The following CES4A variants were observed in gnomAD, a reference collection of about 807,000 sequenced individuals.
CES4A encodes the protein carboxylesterase 4A, also known as carboxylesterase 6.
In CES4A, 48 loss-of-function variants were observed where a neutral mutation model predicts 65.4. The observed-to-expected ratio is 0.73, with a 90% CI of 0.58 to 0.93. The LOEUF is 0.93. Ranked by LOEUF, CES4A falls within the 40% of genes least tolerant of loss-of-function variation. CES4A has a pLI of 0.00. For missense variants in CES4A, 685 were observed against 728.5 expected (o/e 0.94, Z 0.69); for synonymous variants, 247 against 281.8 (o/e 0.88, Z 1.24).
At chr16:66,994,871 CTG>C (rs1223217391) in intron 1 of CES4A, among the ~76,000 whole-genome samples, 3 of 148,120 alleles carry the variant, frequency 2.0e-5, no homozygotes. Flanking sequence ...AGGCGCGGTG[CTG>C]TGTGTCTGTA....
chr16:67,000,460 C>G lies in CES4A; in HGVS notation c.261-178C>G. 7.1e-7 allele frequency: 1 copy of G among 1,416,762 alleles called. No individual in the cohort carries two copies. Among genetic ancestry groups the G allele is most frequent in the Non-Finnish European group, 9.2e-7 (1 of 1,089,438 alleles). The allele number at this position is 1,416,762 out of a possible 1,614,324, so 87.8% of individuals were successfully genotyped here. Reference sequence around the variant, plus strand: ...GGTTCCTGAGAGGCCAACCTGCCTCCCAGTCCTGGGCCCCGGGGCTGGCGG... The same window carrying G: ...GGTTCCTGAGAGGCCAACCTGCCTCGCAGTCCTGGGCCCCGGGGCTGGCGG... On this transcript the variant is annotated intron_variant, in intron 2 of 13. Transcript: ENST00000648724. This position sits in a 1 kb window ranked among gnomAD's most constrained non-coding sequence, Gnocchi z 4.2.
At chr16:66,995,850 C>A (rs369754930) in intron 2 of CES4A, 21 bp downstream of exon 2, 1 of 1,606,616 alleles carries the variant, frequency 6.2e-7, no homozygotes, top group Non-Finnish European at 8.5e-7. Context: ...GAGGCCTGTC[C>A]ACTGGGAGGG....
At chr16:66,991,731 C>G (rs537067100) in intron 1 of CES4A, among the ~76,000 whole-genome samples, 1 of 152,298 alleles carries the variant, frequency 6.6e-6, no homozygotes, top group East Asian at 1.9e-4. Flanking sequence ...CCTTGGCCAA[C>G]TTATATAACC....
At chr16:66,996,143 G>T (rs1018408566) in intron 2 of CES4A, 28 of 471,700 alleles carry the variant, frequency 5.9e-5, no homozygotes, top group Admixed American at 2.0e-4. Flanking sequence ...GTTCAAGCGA[G>T]TCTCCTGCCT....
intron 9 of CES4A, 78 bp from the exon 10 acceptor site, chr16:67,004,715 G>T: frequency 8.6e-7 from 1 of 1,156,712 alleles, no homozygotes; most frequent in Non-Finnish European, 1.2e-6. Context: ...CAAGACCTTT[G>T]GGGCCTTTGT....
exon 2 of CES4A, chr16:66,995,737 C>T: frequency 6.2e-7 from 1 of 1,614,230 alleles, no homozygotes; most frequent in Non-Finnish European, 8.5e-7. Context: ...GAGTCCCCTT[C>T]TCCAGACCTC....
intron 10 of CES4A, 108 bp downstream of exon 10, chr16:67,004,981 ATCTT>A: frequency 1.1e-6 from 1 of 947,892 alleles, no homozygotes; most frequent in Non-Finnish European, 1.6e-6. Flanking sequence ...CAGGGTAAGG[ATCTT>A]TCTTGGAGGG....
chr16:66,994,884 G>A (rs1216008103), intron 1 of CES4A, among the ~76,000 whole-genome samples: 1 of 151,378 alleles, frequency 6.6e-6, no homozygotes, highest in Non-Finnish European at 1.5e-5. Context: ...TGTGTCTGTA[G>A]TCCCAGCTAC....
Position 67,001,219 on chromosome 16 carries a change from T to TG in CES4A, c.537-86dup. The TG allele has an allele frequency of 7.0e-7, 1 of 1,422,416 alleles. No homozygotes were observed. Among genetic ancestry groups the TG allele is most frequent in the South Asian group, 1.4e-5 (1 of 72,772 alleles). The allele number at this position is 1,422,416 out of a possible 1,614,324, so 88.1% of individuals were successfully genotyped here. Reference sequence around the variant, plus strand: ...GGACTGGGTCTTAGAGGGGCAAGGCTGGGCTGGGTGGGGGAAGCCCAGGAG... The same window carrying TG: ...GGACTGGGTCTTAGAGGGGCAAGGCTGGGGCTGGGTGGGGGAAGCCCAGGAG... On this transcript the variant is annotated intron_variant, in intron 4 of 13. Coordinates refer to ENST00000648724, the Ensembl canonical transcript of CES4A. This position sits in a 1 kb window ranked among gnomAD's most constrained non-coding sequence, Gnocchi z 4.1.
chr16:67,003,646 TC>T lies in CES4A; in HGVS notation c.939+96del, dbSNP rs919089948. The T allele has an allele frequency of 4.6e-5, 47 of 1,015,454 alleles. 2 individuals carry two copies. In the East Asian group the frequency reaches 1.0e-3, roughly 22 times the overall value. 62.9% of individuals were successfully genotyped at this position (1,015,454 alleles called of 1,614,324 possible). A position where few individuals can be genotyped will look rare whatever the true frequency, so the allele number is the denominator to read the frequency against. On this transcript the variant is annotated intron_variant, in intron 8 of 13. Coordinates refer to ENST00000648724, the Ensembl canonical transcript of CES4A. This position sits in a 1 kb window ranked among gnomAD's most constrained non-coding sequence, Gnocchi z 4.2. Reference sequence around the variant, plus strand: ...ACTTAGGGAATTGTTCAGGCCAAGATCCCTTCCCTAGTGGAGCTGATGTTCC... The same window carrying T: ...ACTTAGGGAATTGTTCAGGCCAAGATCCTTCCCTAGTGGAGCTGATGTTCC...
intron 1 of CES4A, among the ~76,000 whole-genome samples, chr16:66,990,992 ACTTTTCTTTTCTTTT>A (rs529820370): frequency 6.6e-6 from 1 of 151,778 alleles, no homozygotes; most frequent in Non-Finnish European, 1.5e-5. Flanking sequence ...AGGCATGTGA[ACTTTTCTTTTCTTTT>A]CTTTTCTTTT....
Position 67,000,840 on chromosome 16 carries a change from C to G in CES4A, c.403-17C>G. 1 of 1,571,124 alleles carries G rather than the reference C, an allele frequency of 6.4e-7. No individual in the cohort carries two copies. Among genetic ancestry groups the G allele is most frequent in the African/African-American group, 1.4e-5 (1 of 74,002 alleles). Reference sequence around the variant, plus strand: ...GCCGCCCACCGCCCCGCTCAGATCCCGGCCTTCTTCGTCCAGGTGATGGTC... The same window carrying G: ...GCCGCCCACCGCCCCGCTCAGATCCGGGCCTTCTTCGTCCAGGTGATGGTC... On this transcript the variant is annotated splice_polypyrimidine_tract_variant and intron_variant, in intron 3 of 13. Coordinates refer to ENST00000648724, the Ensembl canonical transcript of CES4A. This position sits in a 1 kb window ranked among gnomAD's most constrained non-coding sequence, Gnocchi z 4.2.
At chr16:66,992,868 T>C (rs948849312) in intron 1 of CES4A, among the ~76,000 whole-genome samples, 1 of 152,076 alleles carries the variant, frequency 6.6e-6, no homozygotes, top group Non-Finnish European at 1.5e-5. Context: ...TTTTTTTTAG[T>C]AGAGATGGGG....
At chr16:66,999,695 G>C (rs1200317592) in intron 2 of CES4A, among the ~76,000 whole-genome samples, 1 of 152,216 alleles carries the variant, frequency 6.6e-6, no homozygotes, top group Non-Finnish European at 1.5e-5. Context: ...CCAGCTACTT[G>C]CAAGATTGAG....
rs934607601 is a variant in CES4A, at chr16:67,000,417, G to T, written c.261-221G>T. The T allele has an allele frequency of 3.0e-6, 4 of 1,353,036 alleles. No individual in the cohort carries two copies. In the African/African-American group the frequency reaches 6.0e-5, roughly 20 times the overall value. 83.8% of individuals were successfully genotyped at this position (1,353,036 alleles called of 1,614,324 possible). On this transcript the variant is annotated intron_variant, in intron 2 of 13. Coordinates refer to ENST00000648724, the Ensembl canonical transcript of CES4A. The surrounding 1 kb of genome is among the most constrained non-coding windows in gnomAD (Gnocchi z 4.2). ...CAGGAATCTCTCCACGGACTGAGGC[G>T]CCGGGCAGGGAGGGGATGGTTCCTG...
intron 1 of CES4A, among the ~76,000 whole-genome samples, chr16:66,991,871 G>A (rs1964421066): frequency 6.6e-6 from 1 of 152,156 alleles, no homozygotes; most frequent in South Asian, 2.1e-4. Flanking sequence ...AACTTTGGGA[G>A]GCCAGAGTGG....
intron 1 of CES4A, among the ~76,000 whole-genome samples, chr16:66,993,128 G>A (rs561901597): frequency 6.6e-6 from 1 of 152,142 alleles, no homozygotes; most frequent in Non-Finnish European, 1.5e-5. Flanking sequence ...GAGTATCCAC[G>A]GGAAGTCGGA....
chr16:67,008,856 C>A, intron 13 of CES4A, 118 bp from the exon 14 acceptor site: 2 of 995,244 alleles, frequency 2.0e-6, no homozygotes, highest in Non-Finnish European at 3.0e-6. Context: ...TAAGTATCAT[C>A]TCCGTAAAGC....
At position 67,001,183 on chromosome 16, in the gene CES4A, G is replaced by T; in HGVS notation, c.537-125G>T. 2 of 1,373,160 alleles carry T rather than the reference G, an allele frequency of 1.5e-6. No homozygotes were observed. The highest frequency in any genetic ancestry group is 2.5e-5 in the East Asian group (1 of 39,864). The allele number at this position is 1,373,160 out of a possible 1,614,324, so 85.1% of individuals were successfully genotyped here. On this transcript the variant is annotated intron_variant, in intron 4 of 13. Coordinates refer to ENST00000648724, the Ensembl canonical transcript of CES4A. This position sits in a 1 kb window ranked among gnomAD's most constrained non-coding sequence, Gnocchi z 4.1. ...GGGCGAGCTAACTCCAAGGAAGGGG[G>T]TGTGGTCGCAGGACTGGGTCTTAGA...
Sources: allele counts gnomAD v4.1 joint callset (sites outside exome capture counted in the v4.1 genomes callset), GRCh38; gene constraint gnomAD v4.1.1; non-coding constraint Gnocchi (gnomAD v3.1); transcripts MANE v1.5; gene names NCBI Gene and HGNC (gene_info 2026-07-23, HGNC 2026-07-21).